The following UMAD1 variants were observed in gnomAD, a reference collection of about 807,000 sequenced individuals.
UMAD1 encodes UBAP1-MVB12-associated (UMA) domain containing 1.
Under a neutral mutation model 6.1 loss-of-function variants are expected in UMAD1, and 8 were observed. The ratio of observed to expected loss-of-function variants is 1.30; its 90% CI spans 0.76 to 2.35. The LOEUF (loss-of-function observed/expected upper bound fraction) is 2.35. Among genes scored for constraint, UMAD1 ranks in the 30% most tolerant of loss-of-function variants. UMAD1 has a pLI of 0.00. For synonymous variants in UMAD1, 56 were observed against 31.4 expected (o/e 1.78, Z -2.61); for missense variants, 130 against 78.4 (o/e 1.66, Z -2.49).
At chr7:7,791,791 G>T (rs759560550) in intron 2 of UMAD1, among the ~76,000 whole-genome samples, 1 of 152,172 alleles carries the variant, frequency 6.6e-6, no homozygotes, top group African/African-American at 2.4e-5. Context: ...TAACTATTCA[G>T]TGTGGCCCAA....
At chr7:7,662,628 C>A (rs1785504129) in intron 1 of UMAD1, among the ~76,000 whole-genome samples, 1 of 152,120 alleles carries the variant, frequency 6.6e-6, no homozygotes, top group African/African-American at 2.4e-5. Context: ...TTTCTGTTCG[C>A]CCTCCTTGGG....
rs1405956740 is a variant in UMAD1 at position 7,869,810 on chromosome 7, A to G, written c.157-7471A>G. 5.3e-5 allele frequency among the ~76,000 whole-genome samples: 8 copies of G among 152,332 alleles called. No homozygotes were observed. The East Asian group carries it at 1.4e-3, about 26-fold the overall frequency. On this transcript the variant is annotated intron_variant, in intron 3 of 3. Transcript: ENST00000682710. ...AGGAAAAATGTAGTTGTCTGTTCTTAAACCTGAATTTCCTTGCTTTCAAAC... is the reference window on the plus strand; with the variant it reads ...AGGAAAAATGTAGTTGTCTGTTCTTGAACCTGAATTTCCTTGCTTTCAAAC...
chr7:7,799,176 GA>G (rs202232008), intron 2 of UMAD1, among the ~76,000 whole-genome samples: 1 of 151,840 alleles, frequency 6.6e-6, no homozygotes, highest in Non-Finnish European at 1.5e-5. Flanking sequence ...TCAAGGGGTG[GA>G]AAAAAAACTT....
At chr7:7,731,996 G>T (rs1781268708) in intron 2 of UMAD1, among the ~76,000 whole-genome samples, 1 of 151,928 alleles carries the variant, frequency 6.6e-6, no homozygotes, top group Non-Finnish European at 1.5e-5. Flanking sequence ...AGAGGATTGT[G>T]AAAAATATCT....
At chr7:7,723,188 T>C (rs529165965) in intron 2 of UMAD1, among the ~76,000 whole-genome samples, 16 of 152,200 alleles carry the variant, frequency 1.1e-4, no homozygotes, top group Non-Finnish European at 1.8e-4. Context: ...GGAGGTGTGC[T>C]ACACTTGAGA....
Position 7,799,614 on chromosome 7 carries a change from T to C in UMAD1, c.83-2056T>C, listed in dbSNP as rs944373646. The stretch of plus-strand genomic sequence containing the variant: ...CTTTTTATAGTGCGTTATACGTATT[T>C]TCTTAGAAACATCGTGCATGTGCAT... On this transcript the variant is annotated intron_variant, in intron 2 of 3. Coordinates refer to ENST00000682710, the MANE Select transcript of UMAD1 (RefSeq NM_001302348.2). Among the ~76,000 whole-genome samples the C allele has an allele frequency of 5.3e-5, 8 of 152,234 alleles. 1 individual carries two copies. Among genetic ancestry groups the C allele is most frequent in the African/African-American group, 1.7e-4 (7 of 41,458 alleles).
chr7:7,780,267 TA>T (rs1214542898), intron 2 of UMAD1, among the ~76,000 whole-genome samples: 2 of 152,188 alleles, frequency 1.3e-5, no homozygotes, highest in Non-Finnish European at 2.9e-5. Context: ...TGAGAGACCA[TA>T]GGGGTATTTC....
intron 3 of UMAD1, among the ~76,000 whole-genome samples, chr7:7,805,017 A>G (rs1782883781): frequency 1.4e-5 from 2 of 146,570 alleles, no homozygotes; most frequent in South Asian, 4.3e-4. Flanking sequence ...ACAAAACAAA[A>G]GTGAAAACAC....
At chr7:7,769,450 T>A (rs561939088) in intron 2 of UMAD1, among the ~76,000 whole-genome samples, 1 of 152,282 alleles carries the variant, frequency 6.6e-6, no homozygotes, top group East Asian at 1.9e-4. Flanking sequence ...ATGATACCCA[T>A]TATCCCCTTT....
chr7:7,810,977 T>A (rs1563224774), intron 3 of UMAD1, among the ~76,000 whole-genome samples: 1 of 152,154 alleles, frequency 6.6e-6, no homozygotes, highest in Non-Finnish European at 1.5e-5. Flanking sequence ...TGAGGTGATT[T>A]GGGAGGTTAT....
rs187580184 is a variant in UMAD1 at position 7,655,317 on chromosome 7, G to A, written c.-64+14496G>A. Among the ~76,000 whole-genome samples, 24 of 152,224 alleles carry A rather than the reference G, an allele frequency of 1.6e-4. No individual in the cohort carries two copies. The East Asian group carries it at 3.1e-3, about 20-fold the overall frequency. On this transcript the variant is annotated intron_variant, in intron 1 of 3. Transcript: ENST00000682710. ...AGGATTTCATGTTTGAAATCCACGTGTCTCATTTGGAAAAAGCTTTTCCTG... is the reference window on the plus strand; with the variant it reads ...AGGATTTCATGTTTGAAATCCACGTATCTCATTTGGAAAAAGCTTTTCCTG...
rs373830828 is a variant in UMAD1 at position 7,831,401 on chromosome 7, A to C, written c.156+29658A>C. On this transcript the variant is annotated intron_variant, in intron 3 of 3. Coordinates refer to ENST00000682710, the MANE Select transcript of UMAD1 (RefSeq NM_001302348.2). ...TGATCATAAAATCAAACTAAGGAAC[A>C]AAGAAGTTCTATTTGTTAGCTCCAT... 1.2e-4 allele frequency among the ~76,000 whole-genome samples: 19 copies of C among 152,364 alleles called. No homozygotes were observed. The East Asian group carries it at 3.7e-3, about 29-fold the overall frequency.
chr7:7,709,140 G>T (rs1780684573), intron 2 of UMAD1, among the ~76,000 whole-genome samples: 1 of 152,182 alleles, frequency 6.6e-6, no homozygotes, highest in Admixed American at 6.5e-5. Flanking sequence ...AAGGGATTTT[G>T]TAATGGTTAA....
chr7:7,718,435 A>G (rs147920564), intron 2 of UMAD1: 2 of 152,336 alleles, frequency 1.3e-5, no homozygotes, highest in African/African-American at 4.8e-5. Flanking sequence ...AAACTTGACT[A>G]TGTGTGTCTT....
At chr7:7,699,288 T>C (rs1780398814) in intron 2 of UMAD1, among the ~76,000 whole-genome samples, 1 of 152,202 alleles carries the variant, frequency 6.6e-6, no homozygotes, top group Admixed American at 6.5e-5. Context: ...TTTTTAGTTT[T>C]CATTGACTCT....
intron 3 of UMAD1, among the ~76,000 whole-genome samples, chr7:7,804,758 G>C (rs1782874074): frequency 6.6e-6 from 1 of 152,142 alleles, no homozygotes. Context: ...GAGGCAGCCG[G>C]ATCATGAGGT....
At chr7:7,866,532 T>G (rs1054291799) in intron 3 of UMAD1, among the ~76,000 whole-genome samples, 5 of 152,210 alleles carry the variant, frequency 3.3e-5, no homozygotes, top group African/African-American at 1.2e-4. Context: ...AACTTAGGTT[T>G]AAGTAATTCA....
Position 7,667,043 on chromosome 7 carries a change from A to G in UMAD1, c.-63-6266A>G, listed in dbSNP as rs553633077. Reference sequence around the variant, plus strand: ...GGCCAGGTCTCTAACTCCTAACCTCAGGTGATCCACCCGCCTTGGCCCCGC... The same window carrying G: ...GGCCAGGTCTCTAACTCCTAACCTCGGGTGATCCACCCGCCTTGGCCCCGC... On this transcript the variant is annotated intron_variant, in intron 1 of 3. Coordinates refer to ENST00000682710, the MANE Select transcript of UMAD1 (RefSeq NM_001302348.2). 1.1e-4 allele frequency among the ~76,000 whole-genome samples: 16 copies of G among 152,298 alleles called. No individual in the cohort carries two copies. The South Asian group carries it at 3.1e-3, about 30-fold the overall frequency.
chr7:7,835,387 CT>C (rs774795829), intron 3 of UMAD1, among the ~76,000 whole-genome samples: 8,060 of 55,946 alleles, frequency 0.14, 329 homozygotes, highest in African/African-American at 0.25. Context: ...CTTCTGCTTT[CT>C]TTTTTTTTTT....
Sources: allele counts gnomAD v4.1 joint callset (sites outside exome capture counted in the v4.1 genomes callset), GRCh38; gene constraint gnomAD v4.1.1; transcripts MANE v1.5; gene names NCBI Gene and HGNC (gene_info 2026-07-23, HGNC 2026-07-21).